CDKL5: variants seen among roughly 807,000 people sequenced by gnomAD.
CDKL5 encodes cyclin dependent kinase like 5.
In CDKL5, 8 loss-of-function variants were observed where a neutral mutation model predicts 61.7. That is an observed-to-expected ratio of 0.13 (90% CI 0.08 to 0.23). The LOEUF is 0.23. Among genes scored for constraint, CDKL5 ranks in the 10% least tolerant of loss-of-function variants. The pLI, the probability that CDKL5 is intolerant of heterozygous loss-of-function variation, is 1.00. For missense variants in CDKL5, 440 were observed against 734.5 expected (o/e 0.60, Z 4.63); for synonymous variants, 275 against 272.3 (o/e 1.01, Z -0.10).
intron 10 of CDKL5, among the ~76,000 whole-genome samples, chrX:18,596,686 T>TTA (rs1358497686): frequency 8.9e-6 from 1 of 112,219 alleles, no homozygotes; most frequent in East Asian, 2.8e-4. Flanking sequence ...ATTTGGTAAC[T>TTA]TCTAAAATGT....
chrX:18,448,113 T>G (rs1931923359), intron 1 of CDKL5, among the ~76,000 whole-genome samples: 1 of 111,938 alleles, frequency 8.9e-6, no homozygotes, highest in Admixed American at 9.6e-5. Context: ...GCTGGAAATC[T>G]ACACCTGAAT....
chrX:18,447,766 G>T (rs1931914081), intron 1 of CDKL5, among the ~76,000 whole-genome samples: 1 of 111,166 alleles, frequency 9.0e-6, no homozygotes, highest in Non-Finnish European at 1.9e-5. Context: ...ATAGGTCATT[G>T]TCTCCATGAA....
intron 15 of CDKL5, among the ~76,000 whole-genome samples, chrX:18,617,996 C>G (rs997682583): frequency 8.9e-6 from 1 of 112,075 alleles, no homozygotes; most frequent in Non-Finnish European, 1.9e-5. Context: ...TCACTTTCAT[C>G]TTATTCACCG....
In CDKL5 at chrX:18,635,604, T is replaced by A; in HGVS notation, c.*6847T>A. The A allele has an allele frequency of 2.7e-6, 2 of 753,355 alleles. No homozygotes were observed. The highest frequency in any genetic ancestry group is 3.1e-6 in the Non-Finnish European group (2 of 638,310). The allele number at this position is 753,355 out of a possible 1,213,427, so 62.1% of individuals were successfully genotyped here. The stretch of plus-strand genomic sequence containing the variant: ...TAACTTAATGATGTTGATCTTTGTT[T>A]TCCTATTTATAAAGCTTTTTTCCCC... On this transcript the variant is annotated 3_prime_UTR_variant, in exon 18 of 18. Coordinates refer to ENST00000623535, the MANE Select transcript of CDKL5 (RefSeq NM_001323289.2).
chrX:18,432,131 C>T (rs1290922277), intron 1 of CDKL5, among the ~76,000 whole-genome samples: 2 of 101,399 alleles, frequency 2.0e-5, no homozygotes, highest in Admixed American at 1.1e-4. Context: ...TGGAGGCTCG[C>T]TCTGTCACCC....
At chrX:18,522,941 G>A (rs1257386069) in intron 3 of CDKL5, among the ~76,000 whole-genome samples, 1 of 106,811 alleles carries the variant, frequency 9.4e-6, no homozygotes, top group African/African-American at 3.4e-5. Flanking sequence ...GATTACAGGT[G>A]CATGCCACCA....
chrX:18,590,061 C>T lies in CDKL5; in HGVS notation c.744+1918C>T, dbSNP rs759547876. Reference sequence around the variant, plus strand: ...AGCCCTTTGTCAGATGGGTAGATTGCAAAAATTTTCTCCCATTCTGTAGGT... The same window carrying T: ...AGCCCTTTGTCAGATGGGTAGATTGTAAAAATTTTCTCCCATTCTGTAGGT... On this transcript the variant is annotated intron_variant, in intron 9 of 17. Coordinates refer to ENST00000623535, the MANE Select transcript of CDKL5 (RefSeq NM_001323289.2). Among the ~76,000 whole-genome samples the T allele has an allele frequency of 2.6e-3, 289 of 111,403 alleles. 10 individuals are homozygous for T. Among genetic ancestry groups the T allele is most frequent in the Admixed American group, 0.024 (243 of 10,150 alleles).
chrX:18,440,050 G>A (rs932630658), intron 1 of CDKL5, among the ~76,000 whole-genome samples: 1 of 110,778 alleles, frequency 9.0e-6, no homozygotes, highest in Non-Finnish European at 1.9e-5. Context: ...TCAGGATGGT[G>A]GTTGCTGAAG....
intron 1 of CDKL5, among the ~76,000 whole-genome samples, chrX:18,481,372 T>C (rs749193969): frequency 2.4e-5 from 2 of 83,717 alleles, no homozygotes; most frequent in African/African-American, 5.0e-5. Context: ...TTCTTTCTTT[T>C]GAGGCAGGGC....
intron 1 of CDKL5, among the ~76,000 whole-genome samples, chrX:18,500,557 A>G (rs1438048870): frequency 8.9e-6 from 1 of 111,786 alleles, no homozygotes; most frequent in Non-Finnish European, 1.9e-5. Flanking sequence ...AATTCTTCAC[A>G]ATCTTGTTAA....
chrX:18,435,544 T>C (rs1194628241), intron 1 of CDKL5, among the ~76,000 whole-genome samples: 1 of 111,103 alleles, frequency 9.0e-6, no homozygotes, highest in Non-Finnish European at 1.9e-5. Flanking sequence ...TGATAAAATG[T>C]AAGTAGGCCC....
Position 18,632,800 on chromosome X carries a change from C to A in CDKL5, c.*4043C>A. ...GTGGACTATACTAGGAAATGCTATC[C>A]CATTTTCCCTTTCCAGCCCCTCTTA... On this transcript the variant is annotated 3_prime_UTR_variant, in exon 18 of 18. Coordinates refer to ENST00000623535, the MANE Select transcript of CDKL5 (RefSeq NM_001323289.2). The A allele has an allele frequency of 1.3e-6, 1 of 751,611 alleles. No individual in the cohort carries two copies. Among genetic ancestry groups the A allele is most frequent in the Non-Finnish European group, 1.6e-6 (1 of 636,813 alleles). The allele number at this position is 751,611 out of a possible 1,213,427, so 61.9% of individuals were successfully genotyped here.
intron 9 of CDKL5, among the ~76,000 whole-genome samples, chrX:18,590,997 A>G (rs1255940865): frequency 5.4e-5 from 6 of 110,580 alleles, no homozygotes; most frequent in African/African-American, 2.0e-4. Flanking sequence ...GCTTCCATAA[A>G]CATTCCAGGG....
Position 18,604,507 on chromosome X carries a change from C to T in CDKL5, c.1583C>T (p.Thr528Ile). The T allele has an allele frequency of 8.3e-7, 1 of 1,211,700 alleles. No homozygotes were observed. Among genetic ancestry groups the T allele is most frequent in the East Asian group, 3.0e-5 (1 of 33,844 alleles). ...PSSCLDLNSP[T>I]SPTPTRHSDT... ...AGCTGCTTAGACTTGAATTCTCCCA[C>T]CAGCCCAACCCCCACCAGACACAGT... Residue 528 changes from threonine (T) to isoleucine (I), a missense_variant, in exon 12 of 18, where the codon ACC becomes ATC. Coordinates refer to ENST00000623535, the MANE Select transcript of CDKL5 (RefSeq NM_001323289.2).
At chrX:18,475,524 T>A (rs1921275955) in intron 1 of CDKL5, among the ~76,000 whole-genome samples, 1 of 111,872 alleles carries the variant, frequency 8.9e-6, no homozygotes, top group Admixed American at 9.6e-5. Context: ...CTCAAACTCC[T>A]GGGCTCAAGC....
intron 1 of CDKL5, among the ~76,000 whole-genome samples, chrX:18,431,576 C>G (rs1304097520): frequency 1.8e-5 from 2 of 108,827 alleles, no homozygotes; most frequent in African/African-American, 6.7e-5. Flanking sequence ...CGCCCGCCAC[C>G]ATGCCTAGCT....
intron 1 of CDKL5, among the ~76,000 whole-genome samples, chrX:18,500,814 A>G (rs764024537): frequency 2.7e-5 from 3 of 111,617 alleles, no homozygotes; most frequent in Middle Eastern, 4.6e-3. Context: ...GACATCCAAG[A>G]TAAGTATCCA....
rs769259557 is a variant in CDKL5 at position 18,503,826 on chromosome X, C to T, written c.-162-3109C>T. ...GTGCGATCACGGCTCACCGCAGCTT[C>T]GCCCTCCTGGGCTCAAGCAATCCTC... On this transcript the variant is annotated intron_variant, in intron 1 of 17. Transcript: ENST00000623535. Among the ~76,000 whole-genome samples, 10 of 111,295 alleles carry T rather than the reference C, an allele frequency of 9.0e-5. 1 individual carries two copies. Among genetic ancestry groups the T allele is most frequent in the East Asian group, 5.8e-4 (2 of 3,475 alleles).
intron 1 of CDKL5, among the ~76,000 whole-genome samples, chrX:18,487,858 A>G (rs1407225452): frequency 3.6e-5 from 4 of 110,765 alleles, no homozygotes; most frequent in East Asian, 2.9e-4. Context: ...GGAGGTTGCA[A>G]TGAGCCTAGA....
Sources: allele counts gnomAD v4.1 joint callset (sites outside exome capture counted in the v4.1 genomes callset), GRCh38; gene constraint gnomAD v4.1.1; transcripts MANE v1.5; gene names NCBI Gene and HGNC (gene_info 2026-07-23, HGNC 2026-07-21).